Variants in SLC14A2 observed in about 807,000 individuals in gnomAD.
The protein encoded by SLC14A2 is solute carrier family 14 member 2.
A neutral mutation model predicts 104.6 loss-of-function variants in SLC14A2; 91 were observed. The observed-to-expected ratio is 0.87, with a 90% confidence interval of 0.73 to 1.04. The LOEUF (loss-of-function observed/expected upper bound fraction) is 1.04, where lower values mean the gene tolerates loss of function less well. Among genes scored for constraint, SLC14A2 ranks in the 50% least tolerant of loss-of-function variants. The pLI is 0.00. For synonymous variants in SLC14A2, 476 were observed against 466.4 expected, an observed-to-expected ratio of 1.02 and a Z score of -0.27; for missense variants, 1,189 against 1,156.0, an observed-to-expected ratio of 1.03 and a Z score of -0.41.
At chr18:45,526,677 A>T (rs573294792) in intron 2 of SLC14A2, among the ~76,000 whole-genome samples, 1 of 152,266 alleles carries the variant, frequency 6.6e-6, no homozygotes, top group Admixed American at 6.5e-5. Context: ...TAGAGGGGGA[A>T]GATGGGTAGA....
chr18:45,217,504 A>G (rs1198685217), intron 1 of SLC14A2, among the ~76,000 whole-genome samples: 4 of 152,082 alleles, frequency 2.6e-5, no homozygotes, highest in African/African-American at 2.4e-5. Flanking sequence ...TGGGCCTAAA[A>G]GAAGGAAGAA....
At chr18:45,606,623 C>T (rs867053278) in intron 2 of SLC14A2, among the ~76,000 whole-genome samples, 17 of 139,930 alleles carry the variant, frequency 1.2e-4, no homozygotes, top group African/African-American at 1.9e-4. Context: ...AAAACATATG[C>T]CCATGACCTT....
At chr18:45,213,901 C>G (rs1221201515) in intron 1 of SLC14A2, among the ~76,000 whole-genome samples, 1 of 152,162 alleles carries the variant, frequency 6.6e-6, no homozygotes, top group East Asian at 1.9e-4. Flanking sequence ...GGACTGACCA[C>G]TTTTATTATT....
intron 1 of SLC14A2, among the ~76,000 whole-genome samples, chr18:45,391,372 G>A (rs2085961245): frequency 6.6e-6 from 1 of 152,178 alleles, no homozygotes; most frequent in Non-Finnish European, 1.5e-5. Context: ...TGTGAATAGT[G>A]CCGCAATAAA....
chr18:45,499,054 C>G (rs1427102324), intron 2 of SLC14A2, among the ~76,000 whole-genome samples: 2 of 152,190 alleles, frequency 1.3e-5, no homozygotes, highest in African/African-American at 2.4e-5. Context: ...CCTTGGTCTT[C>G]TCTAAAGCCT....
chr18:45,481,873 T>C (rs2087500105), intron 1 of SLC14A2, among the ~76,000 whole-genome samples: 1 of 152,214 alleles, frequency 6.6e-6, no homozygotes, highest in Non-Finnish European at 1.5e-5. Flanking sequence ...AATGGTACTT[T>C]GAAAATTGTT....
chr18:45,195,505 C>T, the SLC14A2 span, among the ~76,000 whole-genome samples: 1 of 152,158 alleles, frequency 6.6e-6, no homozygotes, highest in Non-Finnish European at 1.5e-5. Flanking sequence ...GATTCTTCTG[C>T]CTCAGCCTCC....
chr18:45,225,666 G>A (rs758634787), intron 1 of SLC14A2, among the ~76,000 whole-genome samples: 24 of 152,120 alleles, frequency 1.6e-4, no homozygotes, highest in South Asian at 4.2e-4. Context: ...CTTTTATTTC[G>A]TTGAGCAGTG....
At chr18:45,223,231 TGTCTCTG>T (rs1408772121) in intron 1 of SLC14A2, among the ~76,000 whole-genome samples, 1 of 152,304 alleles carries the variant, frequency 6.6e-6, no homozygotes, top group East Asian at 1.9e-4. Flanking sequence ...CTTAGGCTCT[TGTCTCTG>T]GTCGCTGGGA....
At chr18:45,372,169 A>T (rs750880945) in intron 1 of SLC14A2, among the ~76,000 whole-genome samples, 3 of 152,180 alleles carry the variant, frequency 2.0e-5, no homozygotes, top group Non-Finnish European at 4.4e-5. Flanking sequence ...AAAATTAGCC[A>T]GGAATGGTGG....
chr18:45,317,435 CA>C (rs1291927002), intron 1 of SLC14A2, among the ~76,000 whole-genome samples: 1 of 152,084 alleles, frequency 6.6e-6, no homozygotes, highest in East Asian at 1.9e-4. Context: ...AAAACGTTTG[CA>C]ACTAGCTATG....
chr18:45,455,676 A>G (rs887811041), intron 1 of SLC14A2, among the ~76,000 whole-genome samples: 1 of 151,790 alleles, frequency 6.6e-6, no homozygotes, highest in Admixed American at 6.6e-5. Flanking sequence ...AAAAAAATCT[A>G]TTGAGCATTT....
At chr18:45,306,271 T>G (rs16978339) in intron 1 of SLC14A2, among the ~76,000 whole-genome samples, 25,690 of 152,138 alleles carry the variant, frequency 0.17, 2,397 homozygotes, top group African/African-American at 0.23. Flanking sequence ...ACAGAAAGGA[T>G]TTTTAAAACT....
chr18:45,635,642 C>G (rs2045406968), intron 5 of SLC14A2, among the ~76,000 whole-genome samples: 1 of 152,132 alleles, frequency 6.6e-6, no homozygotes, highest in African/African-American at 2.4e-5. Context: ...GGGGATAGCA[C>G]AGAAAGCCAA....
intron 1 of SLC14A2, among the ~76,000 whole-genome samples, chr18:45,316,450 A>T (rs1282200284): frequency 6.6e-6 from 1 of 152,216 alleles, no homozygotes; most frequent in Non-Finnish European, 1.5e-5. Flanking sequence ...GCACATAGCC[A>T]TTTGTTTCAG....
intron 1 of SLC14A2, among the ~76,000 whole-genome samples, chr18:45,443,768 GTA>G (rs1288765138): frequency 4.6e-5 from 7 of 152,094 alleles, no homozygotes; most frequent in Non-Finnish European, 1.0e-4. Flanking sequence ...TTGTTTTGGG[GTA>G]TGTTTTTCTG....
chr18:45,183,428 G>C, the SLC14A2 span, among the ~76,000 whole-genome samples: 1 of 151,978 alleles, frequency 6.6e-6, no homozygotes, highest in Non-Finnish European at 1.5e-5. Context: ...CAGCCTACTC[G>C]CACCATATAA....
intron 1 of SLC14A2, among the ~76,000 whole-genome samples, chr18:45,398,386 C>A (rs112536618): frequency 3.3e-5 from 5 of 152,204 alleles, no homozygotes; most frequent in African/African-American, 1.2e-4. Flanking sequence ...AGGAGTCAGA[C>A]AAGGTTATTA....
upstream of SLC14A2, among the ~76,000 whole-genome samples, chr18:45,612,355 C>A (rs570183826): frequency 7.2e-5 from 11 of 152,212 alleles, no homozygotes; most frequent in Non-Finnish European, 1.2e-4. Context: ...CTTCTTAGAA[C>A]ATGCAGAATA....
Sources: allele counts gnomAD v4.1 joint callset (sites outside exome capture counted in the v4.1 genomes callset), GRCh38; gene constraint gnomAD v4.1.1; transcripts MANE v1.5; gene names NCBI Gene and HGNC (gene_info 2026-07-23, HGNC 2026-07-21).